The following SLC39A11 variants were observed in gnomAD, a reference collection of about 807,000 sequenced individuals.
The protein encoded by SLC39A11 is zinc transporter ZIP11.
Under a neutral mutation model 36.1 loss-of-function variants are expected in SLC39A11, and 33 were observed. The ratio of observed to expected loss-of-function variants is 0.91; its 90% confidence interval spans 0.69 to 1.22. The LOEUF is 1.22. Among genes scored for constraint, SLC39A11 ranks in the 50% most tolerant of loss-of-function variants. SLC39A11 has a pLI of 0.00. For synonymous variants in SLC39A11, 166 were observed against 170.3 expected (o/e 0.97, Z 0.20); for missense variants, 432 against 430.3 (o/e 1.00, Z -0.03).
intron 7 of SLC39A11, among the ~76,000 whole-genome samples, chr17:72,659,574 C>T (rs866615798): frequency 3.3e-5 from 2 of 61,204 alleles, no homozygotes; most frequent in Non-Finnish European, 5.8e-5. Context: ...CTCTGTGACT[C>T]TTTTTTTTTT....
chr17:72,660,256 C>T (rs1009489694), intron 7 of SLC39A11, among the ~76,000 whole-genome samples: 4 of 152,282 alleles, frequency 2.6e-5, no homozygotes, highest in Non-Finnish European at 2.9e-5. Context: ...CTTTCATTAC[C>T]GCACCCATCA....
intron 5 of SLC39A11, among the ~76,000 whole-genome samples, chr17:72,870,520 C>T (rs923018392): frequency 1.3e-5 from 2 of 152,232 alleles, no homozygotes; most frequent in Non-Finnish European, 2.9e-5. Flanking sequence ...CAAATTGCCA[C>T]TCATCCATTT....
chr17:72,923,288 A>G (rs2083810690), intron 5 of SLC39A11, among the ~76,000 whole-genome samples: 1 of 152,128 alleles, frequency 6.6e-6, no homozygotes, highest in African/African-American at 2.4e-5. Context: ...GTGGATGTGA[A>G]GCTCACTACA....
intron 7 of SLC39A11, among the ~76,000 whole-genome samples, chr17:72,726,948 T>C (rs1222133505): frequency 6.6e-6 from 1 of 152,178 alleles, no homozygotes; most frequent in African/African-American, 2.4e-5. Flanking sequence ...TCCGGTCATA[T>C]CTTGGGGATG....
In SLC39A11 at chr17:72,941,862, C is replaced by CTATTTATTTATTTATT. The variant is rs141344356; in HGVS notation, c.430+5874_430+5889dup. On this transcript the variant is annotated intron_variant, in intron 5 of 9. Transcript: ENST00000255559. ...CATTTTAACGCTGGTTTGCTTCATTCTATTTATTTATTTATTTATTTATTT... is the reference window on the plus strand; with the variant it reads ...CATTTTAACGCTGGTTTGCTTCATTCTATTTATTTATTTATTTATTTATTTATTTATTTATTTATTT... 3.0e-4 allele frequency among the ~76,000 whole-genome samples: 44 copies of CTATTTATTTATTTATT among 144,684 alleles called. 1 individual carries two copies. The highest frequency in any genetic ancestry group is 4.4e-4 in the Non-Finnish European group (29 of 66,064). The allele number at this position is 144,684 out of a possible 152,430, so 94.9% of individuals were successfully genotyped here. A position where few individuals can be genotyped will look rare whatever the true frequency, so the allele number is the denominator to read the frequency against.
intron 5 of SLC39A11, among the ~76,000 whole-genome samples, chr17:72,875,048 C>G (rs560080803): frequency 6.6e-6 from 1 of 151,778 alleles, no homozygotes; most frequent in African/African-American, 2.4e-5. Flanking sequence ...AAACACAGCA[C>G]GAGAGAAACA....
chr17:72,824,959 C>T (rs1180664338), intron 6 of SLC39A11, among the ~76,000 whole-genome samples: 1 of 151,276 alleles, frequency 6.6e-6, no homozygotes, highest in Non-Finnish European at 1.5e-5. Context: ...AACTTTGCAG[C>T]CTGACCATGC....
chr17:72,844,574 C>G (rs1193862417), intron 6 of SLC39A11, among the ~76,000 whole-genome samples: 1 of 152,172 alleles, frequency 6.6e-6, no homozygotes, highest in Non-Finnish European at 1.5e-5. Flanking sequence ...GAGGCCGAGG[C>G]AGGAGAACCT....
At chr17:72,952,873 C>CT (rs1233866256) in intron 4 of SLC39A11, among the ~76,000 whole-genome samples, 4 of 152,196 alleles carry the variant, frequency 2.6e-5, no homozygotes, top group African/African-American at 9.7e-5. Flanking sequence ...GTGAGTCACT[C>CT]TTTCCCATCT....
intron 5 of SLC39A11, among the ~76,000 whole-genome samples, chr17:72,854,656 T>G (rs1598122112): frequency 6.6e-6 from 1 of 152,178 alleles, no homozygotes; most frequent in Non-Finnish European, 1.5e-5. Context: ...AAAAAAAAGT[T>G]GCCCATCATT....
At chr17:72,736,357 G>A (rs2074429230) in intron 7 of SLC39A11, among the ~76,000 whole-genome samples, 1 of 152,154 alleles carries the variant, frequency 6.6e-6, no homozygotes, top group Non-Finnish European at 1.5e-5. Context: ...TTTGTTTTTT[G>A]TCATTAGTCT....
At chr17:72,692,276 G>T (rs564754240) in intron 7 of SLC39A11, among the ~76,000 whole-genome samples, 1 of 152,174 alleles carries the variant, frequency 6.6e-6, no homozygotes, top group Non-Finnish European at 1.5e-5. Context: ...CTCCCAAAGG[G>T]CTCAGATTAC....
intron 4 of SLC39A11, among the ~76,000 whole-genome samples, chr17:73,003,856 C>A (rs192739344): frequency 2.0e-5 from 3 of 152,070 alleles, no homozygotes; most frequent in African/African-American, 4.8e-5. Flanking sequence ...GAGGCTGAAG[C>A]GGGTGGATCA....
chr17:73,079,191 C>T (rs75489828), intron 3 of SLC39A11, among the ~76,000 whole-genome samples: 6,450 of 152,078 alleles, frequency 0.042, 189 homozygotes, highest in Non-Finnish European at 0.067. Flanking sequence ...TCTGCCTCCC[C>T]GGTTCAAGCA....
intron 6 of SLC39A11, among the ~76,000 whole-genome samples, chr17:72,809,199 T>TTCTCTCTCTC (rs66472539): frequency 0.021 from 2,107 of 102,260 alleles, 54 homozygotes; most frequent in African/African-American, 0.054. Flanking sequence ...TTTCTTTTCT[T>TTCTCTCTCTC]TCTCTCTCTC....
chr17:72,930,419 C>T (rs1333549664), intron 5 of SLC39A11, among the ~76,000 whole-genome samples: 1 of 152,172 alleles, frequency 6.6e-6, no homozygotes, highest in Middle Eastern at 3.2e-3. Context: ...AGTCTCTACC[C>T]TCATCCTACT....
intron 7 of SLC39A11, among the ~76,000 whole-genome samples, chr17:72,721,388 T>C (rs2567511): frequency 0.012 from 1,887 of 152,174 alleles, 47 homozygotes; most frequent in African/African-American, 0.043. Flanking sequence ...AGAACCACCA[T>C]GTCCGGTCTT....
At chr17:72,692,498 G>A (rs992390120) in intron 7 of SLC39A11, among the ~76,000 whole-genome samples, 2 of 152,112 alleles carry the variant, frequency 1.3e-5, no homozygotes, top group Non-Finnish European at 1.5e-5. Flanking sequence ...CTTCTTACAT[G>A]GTGGCAGCAA....
intron 5 of SLC39A11, among the ~76,000 whole-genome samples, chr17:72,927,233 T>C (rs1032158762): frequency 8.6e-5 from 11 of 128,366 alleles, no homozygotes; most frequent in Non-Finnish European, 1.7e-4. Flanking sequence ...TTATTTTTGG[T>C]AGAGATAAAA....
Sources: allele counts gnomAD v4.1 joint callset (sites outside exome capture counted in the v4.1 genomes callset), GRCh38; gene constraint gnomAD v4.1.1; transcripts MANE v1.5; gene names NCBI Gene and HGNC (gene_info 2026-07-23, HGNC 2026-07-21).